CHST8: variants seen among roughly 807,000 people sequenced by gnomAD.
CHST8 encodes the protein carbohydrate sulfotransferase 8, also known as GALNAC-4-ST1.
In CHST8, 10 loss-of-function variants were observed where a neutral mutation model predicts 15.0. The observed-to-expected ratio is 0.67, with a 90% CI of 0.41 to 1.13. CHST8 has a LOEUF of 1.13. CHST8 is among the 50% of genes most tolerant of loss of function. CHST8 has a pLI of 0.00. For synonymous variants in CHST8, 259 were observed against 256.6 expected (o/e 1.01, Z -0.09); for missense variants, 634 against 608.2 (o/e 1.04, Z -0.45).
intron 3 of CHST8, among the ~76,000 whole-genome samples, chr19:33,721,959 AGATG>A (rs1310994835): frequency 2.7e-5 from 4 of 148,054 alleles, no homozygotes; most frequent in African/African-American, 1.0e-4. Flanking sequence ...GTGAGTGGGC[AGATG>A]GATGGATGGA....
intron 3 of CHST8, among the ~76,000 whole-genome samples, chr19:33,745,564 C>A (rs528816901): frequency 3.9e-4 from 59 of 152,332 alleles, no homozygotes; most frequent in African/African-American, 1.3e-3. Context: ...GGGAAAGAGA[C>A]TCTGAAGAAG....
intron 3 of CHST8, among the ~76,000 whole-genome samples, chr19:33,732,504 G>A (rs1974014227): frequency 6.6e-6 from 1 of 151,758 alleles, no homozygotes; most frequent in African/African-American, 2.4e-5. Context: ...CAGCTGGCCA[G>A]CAGTGTAGGT....
At chr19:33,736,979 A>G (rs1169553206) in intron 3 of CHST8, among the ~76,000 whole-genome samples, 1 of 152,138 alleles carries the variant, frequency 6.6e-6, no homozygotes, top group Non-Finnish European at 1.5e-5. Flanking sequence ...TGCTCCTAAG[A>G]TGCTAATTAT....
chr19:33,772,756 G>A lies in CHST8; in HGVS notation c.968G>A (p.Gly323Glu), dbSNP rs1165895791. 1 of 1,613,326 alleles carries A rather than the reference G, an allele frequency of 6.2e-7. No homozygotes were observed. The highest frequency in any genetic ancestry group is 8.5e-7 in the Non-Finnish European group (1 of 1,180,032). ...QYLLDVHRPV[G>E]MDIHWDHVSR... Reference sequence around the variant, plus strand: ...CTGCTGGACGTGCACCGGCCCGTGGGGATGGACATTCACTGGGACCATGTC... The same window carrying A: ...CTGCTGGACGTGCACCGGCCCGTGGAGATGGACATTCACTGGGACCATGTC... Residue 323 changes from glycine to glutamate, a missense_variant, in exon 5 of 5, where the codon GGG (glycine) becomes GAG (glutamate). Physicochemically the swap from Gly to Glu is moderately conservative, Grantham distance 98 (BLOSUM62 -2). Coordinates refer to ENST00000650847, the MANE Select transcript of CHST8 (RefSeq NM_001127895.2).
At chr19:33,623,552 C>T (rs970819057) in intron 1 of CHST8, among the ~76,000 whole-genome samples, 3 of 152,192 alleles carry the variant, frequency 2.0e-5, no homozygotes, top group African/African-American at 7.2e-5. Flanking sequence ...CACCGCCGCC[C>T]AAGGCCCCCA....
intron 1 of CHST8, among the ~76,000 whole-genome samples, chr19:33,666,504 G>C (rs1355743862): frequency 6.6e-6 from 1 of 152,214 alleles, no homozygotes; most frequent in African/African-American, 2.4e-5. Context: ...GAGAAGAGAA[G>C]GAACCGGAAG....
chr19:33,632,747 T>TTGTG (rs10589446), intron 1 of CHST8, among the ~76,000 whole-genome samples: 64 of 149,714 alleles, frequency 4.3e-4, no homozygotes, highest in African/African-American at 5.4e-4. Flanking sequence ...TTGGTTTTCC[T>TTGTG]TGTGTGTGTG....
intron 3 of CHST8, among the ~76,000 whole-genome samples, chr19:33,769,454 T>C (rs1332005565): frequency 2.0e-5 from 3 of 151,520 alleles, no homozygotes; most frequent in Admixed American, 6.6e-5. Flanking sequence ...CAGAAGAAAA[T>C]AATTAAGGAA....
At chr19:33,742,378 C>T (rs1438075498) in intron 3 of CHST8, among the ~76,000 whole-genome samples, 1 of 152,182 alleles carries the variant, frequency 6.6e-6, no homozygotes, top group Non-Finnish European at 1.5e-5. Context: ...TGCTCAGCCT[C>T]AGGAAGCTTT....
At chr19:33,744,333 C>T (rs1974268579) in intron 3 of CHST8, 1 of 152,188 alleles carries the variant, frequency 6.6e-6, no homozygotes, top group Non-Finnish European at 1.5e-5. Context: ...TGTTGCAGGA[C>T]AGAGACCTCT....
intron 2 of CHST8, among the ~76,000 whole-genome samples, chr19:33,683,753 A>G (rs1972929045): frequency 6.6e-6 from 1 of 152,136 alleles, no homozygotes; most frequent in Non-Finnish European, 1.5e-5. Context: ...AGATGGGGAG[A>G]GGCCTCGATG....
intron 2 of CHST8, among the ~76,000 whole-genome samples, chr19:33,674,734 C>CA (rs1345276450): frequency 6.6e-6 from 1 of 152,190 alleles, no homozygotes; most frequent in Non-Finnish European, 1.5e-5. Flanking sequence ...GCCACCCTCC[C>CA]ACCACCTTCC....
chr19:33,690,464 G>A (rs9676727), intron 3 of CHST8, among the ~76,000 whole-genome samples: 3,280 of 152,284 alleles, frequency 0.022, 106 homozygotes, highest in African/African-American at 0.072. Context: ...AGTGCAGATT[G>A]AGGGCCTGTG....
At chr19:33,697,393 G>A (rs1315947614) in intron 3 of CHST8, among the ~76,000 whole-genome samples, 3 of 151,024 alleles carry the variant, frequency 2.0e-5, no homozygotes, top group East Asian at 2.0e-4. Flanking sequence ...CTTCACACCC[G>A]TCTAACTTTT....
chr19:33,729,291 G>C (rs1417726043), intron 3 of CHST8, among the ~76,000 whole-genome samples: 1 of 152,230 alleles, frequency 6.6e-6, no homozygotes, highest in Non-Finnish European at 1.5e-5. Flanking sequence ...TGGCAGGATT[G>C]AGTCCGTCTC....
At chr19:33,630,339 G>A (rs140894682) in intron 1 of CHST8, among the ~76,000 whole-genome samples, 1 of 152,248 alleles carries the variant, frequency 6.6e-6, no homozygotes, top group African/African-American at 2.4e-5. Flanking sequence ...ATTGCTTGTG[G>A]GCAGGCAGAG....
rs1974993417 is a variant in CHST8 at position 33,771,986 on chromosome 19, T to C, written c.198T>C (p.Gly66=). 1.9e-6 allele frequency: 3 copies of C among 1,579,400 alleles called. No individual in the cohort carries two copies. The highest frequency in any genetic ancestry group is 2.6e-6 in the Non-Finnish European group (3 of 1,165,956). ...TCCCACCAGGCGGCTCCCAGGATGG[T>C]GACTTGAAGGAACCCACAGAGAGGG... ...HDLPPGGSQD[G]DLKEPTERVT... The change falls in exon 5 of 5, where the codon GGT becomes GGC. Residue 66 remains glycine, a synonymous_variant. Coordinates refer to ENST00000650847, the MANE Select transcript of CHST8 (RefSeq NM_001127895.2).
At chr19:33,717,409 C>T (rs536935581) in intron 3 of CHST8, among the ~76,000 whole-genome samples, 1 of 151,346 alleles carries the variant, frequency 6.6e-6, no homozygotes, top group African/African-American at 2.4e-5. Context: ...TGCAGTGAGC[C>T]GAGATCACAC....
intron 3 of CHST8, among the ~76,000 whole-genome samples, chr19:33,719,004 C>T (rs983172065): frequency 4.6e-5 from 7 of 152,106 alleles, no homozygotes; most frequent in African/African-American, 9.7e-5. Flanking sequence ...TGTCTCTTCA[C>T]TCCAGGGCTT....
Sources: allele counts gnomAD v4.1 joint callset (sites outside exome capture counted in the v4.1 genomes callset), GRCh38; gene constraint gnomAD v4.1.1; transcripts MANE v1.5; gene names NCBI Gene and HGNC (gene_info 2026-07-23, HGNC 2026-07-21).